The following COMMD10 variants were observed in gnomAD, a reference collection of about 807,000 sequenced individuals.
The protein encoded by COMMD10 is COMM domain containing 10.
In COMMD10, 33 loss-of-function variants were observed where a neutral mutation model predicts 28.9. The ratio of observed to expected loss-of-function variants is 1.14; its 90% CI spans 0.87 to 1.53. COMMD10 has a LOEUF of 1.53. COMMD10 is among the 40% of genes most tolerant of loss of function. The pLI, the probability that COMMD10 is intolerant of heterozygous loss-of-function variation, is 0.00. For synonymous variants in COMMD10, 110 were observed against 81.7 expected (o/e 1.35, Z -1.87); for missense variants, 310 against 233.4 (o/e 1.33, Z -2.14).
intron 5 of COMMD10, among the ~76,000 whole-genome samples, chr5:116,243,590 A>C (rs1406388723): frequency 6.6e-6 from 1 of 152,188 alleles, no homozygotes; most frequent in Non-Finnish European, 1.5e-5. Context: ...CACATGAAAA[A>C]GCTGTAGTAT....
intron 5 of COMMD10, among the ~76,000 whole-genome samples, chr5:116,251,776 C>G (rs1009290554): frequency 2.0e-5 from 3 of 152,054 alleles, no homozygotes; most frequent in Middle Eastern, 3.4e-3. Flanking sequence ...GTCTTTATAG[C>G]AGCATGATTT....
At chr5:116,154,416 C>G (rs75125040) in intron 5 of COMMD10, among the ~76,000 whole-genome samples, 2 of 152,132 alleles carry the variant, frequency 1.3e-5, no homozygotes, top group East Asian at 3.9e-4. Flanking sequence ...GTAAACATTT[C>G]CTGAGCAATG....
At chr5:116,106,074 C>T (rs1312316820) in intron 4 of COMMD10, among the ~76,000 whole-genome samples, 1 of 149,396 alleles carries the variant, frequency 6.7e-6, no homozygotes, top group Non-Finnish European at 1.5e-5. Flanking sequence ...TTAGATCTTT[C>T]CTGTTTTTGT....
intron 5 of COMMD10, chr5:116,188,322 A>AT (rs1052194554): frequency 3.3e-5 from 5 of 151,468 alleles, no homozygotes; most frequent in Admixed American, 6.6e-5. Context: ...CGGGCATGGA[A>AT]TTTTTTTTTG....
Position 116,099,739 on chromosome 5 carries a change from C to CT in COMMD10, c.399+7046dup, listed in dbSNP as rs574964625. On this transcript the variant is annotated intron_variant, in intron 4 of 6. Coordinates refer to ENST00000274458, the MANE Select transcript of COMMD10 (RefSeq NM_016144.4). ...ATATACCTGTTGATCATTTTTATGC[C>CT]TTTTTTTGGTGGGGAGAATGTCTGT... Among the ~76,000 whole-genome samples the CT allele has an allele frequency of 1.8e-4, 28 of 151,970 alleles. No individual in the cohort carries two copies. The South Asian group carries it at 5.6e-3, about 30-fold the overall frequency.
At position 116,087,582 on chromosome 5, in the gene COMMD10, C is replaced by G; in HGVS notation, c.127C>G (p.Leu43Val). ...LLTRILQKLH[L>V]KAESSFSEEE... The stretch of plus-strand genomic sequence containing the variant: ...CACTCGGATTCTTCAAAAACTTCAC[C>G]TGAAGGTTTGTATTTGTGTGTTTCC... Residue 43 changes from leucine (L) to valine (V), a missense_variant, in exon 2 of 7, where the codon CTG becomes GTG. Transcript: ENST00000274458. The G allele has an allele frequency of 6.3e-7, 1 of 1,595,850 alleles. No individual in the cohort carries two copies. Among genetic ancestry groups the G allele is most frequent in the Non-Finnish European group, 8.6e-7 (1 of 1,163,394 alleles).
At chr5:116,179,317 C>T (rs1567339) in intron 5 of COMMD10, among the ~76,000 whole-genome samples, 47,631 of 151,952 alleles carry the variant, frequency 0.31, 10,329 homozygotes, top group African/African-American at 0.62. Flanking sequence ...ATTTTATTGA[C>T]GAGGAAACAA....
chr5:116,110,299 C>G (rs1751002263), intron 4 of COMMD10, among the ~76,000 whole-genome samples: 1 of 152,080 alleles, frequency 6.6e-6, no homozygotes, highest in Non-Finnish European at 1.5e-5. Context: ...ACTGTTGTGT[C>G]TATGTTCATC....
At chr5:116,270,031 G>A (rs1222703655) in intron 5 of COMMD10, among the ~76,000 whole-genome samples, 3 of 94,464 alleles carry the variant, frequency 3.2e-5, no homozygotes. Flanking sequence ...TCTAAGGTTA[G>A]TAAATGGACA....
chr5:116,208,924 G>A (rs1748885354), intron 5 of COMMD10, among the ~76,000 whole-genome samples: 3 of 152,066 alleles, frequency 2.0e-5, no homozygotes, highest in South Asian at 4.1e-4. Context: ...ATTATAGTTC[G>A]TTTGTTAGAC....
At chr5:116,141,117 A>G (rs1460459858) in intron 5 of COMMD10, among the ~76,000 whole-genome samples, 2 of 151,662 alleles carry the variant, frequency 1.3e-5, no homozygotes, top group Non-Finnish European at 3.0e-5. Flanking sequence ...TGTATGGTGT[A>G]AAGGTCCAAT....
chr5:116,202,980 G>C (rs1357241810), intron 5 of COMMD10, among the ~76,000 whole-genome samples: 1 of 151,896 alleles, frequency 6.6e-6, no homozygotes, highest in Admixed American at 6.6e-5. Flanking sequence ...GTCCTGAATG[G>C]TATTGCCTAG....
At chr5:116,125,088 C>G (rs1751579348) in intron 4 of COMMD10, among the ~76,000 whole-genome samples, 1 of 152,134 alleles carries the variant, frequency 6.6e-6, no homozygotes, top group Non-Finnish European at 1.5e-5. Flanking sequence ...GAATTTGATC[C>G]TGTCGTTATG....
intron 4 of COMMD10, among the ~76,000 whole-genome samples, chr5:116,133,510 T>A (rs1176140124): frequency 1.3e-5 from 2 of 152,208 alleles, no homozygotes; most frequent in East Asian, 3.9e-4. Context: ...TAGATATCAA[T>A]TCTCTGCCTG....
chr5:116,220,751 C>A (rs1350410444), intron 5 of COMMD10, among the ~76,000 whole-genome samples: 1 of 152,080 alleles, frequency 6.6e-6, no homozygotes, highest in Admixed American at 6.5e-5. Flanking sequence ...TTTCAAACAA[C>A]AAATAATAAC....
intron 5 of COMMD10, among the ~76,000 whole-genome samples, chr5:116,168,358 A>G (rs956600557): frequency 1.3e-5 from 2 of 152,192 alleles, no homozygotes; most frequent in African/African-American, 2.4e-5. Flanking sequence ...AGACCTATGA[A>G]GAGACTTAGA....
intron 5 of COMMD10, among the ~76,000 whole-genome samples, chr5:116,215,282 T>C (rs1749066514): frequency 1.3e-5 from 2 of 152,264 alleles, no homozygotes; most frequent in Non-Finnish European, 2.9e-5. Context: ...GATGTAAGTA[T>C]ATAAAGTTTA....
intron 5 of COMMD10, among the ~76,000 whole-genome samples, chr5:116,148,900 C>T (rs531821178): frequency 2.8e-4 from 43 of 151,242 alleles, no homozygotes; most frequent in Non-Finnish European, 4.3e-4. Context: ...GTGCACAATG[C>T]GCAGGTTAGT....
chr5:116,233,607 C>G (rs1749583834), intron 5 of COMMD10, among the ~76,000 whole-genome samples: 1 of 152,120 alleles, frequency 6.6e-6, no homozygotes, highest in Admixed American at 6.6e-5. Context: ...GAAGACCTCA[C>G]TGATAAGGTG....
Sources: gnomAD v4.1 joint callset for allele counts (sites outside exome capture counted in the v4.1 genomes callset) on GRCh38, gnomAD v4.1.1 for gene constraint, MANE v1.5 for transcripts, NCBI Gene and HGNC (gene_info 2026-07-23, HGNC 2026-07-21) for gene names.